HLTF: variants seen among roughly 807,000 people sequenced by gnomAD.
HLTF encodes DNA-dependent ATPase/E3 ubiquitin-protein ligase HLTF.
In HLTF, 127 loss-of-function variants were observed where a neutral mutation model predicts 129.4. The observed-to-expected ratio is 0.98, with a 90% CI of 0.85 to 1.14. HLTF has a LOEUF of 1.14. Among genes scored for constraint, HLTF ranks in the 50% most tolerant of loss-of-function variants. The pLI, the probability that HLTF is intolerant of heterozygous loss-of-function variation, is 0.00. For synonymous variants in HLTF, 332 were observed against 388.8 expected, an observed-to-expected ratio of 0.85 and a Z score of 1.72; for missense variants, 1,139 against 1,187.1, an observed-to-expected ratio of 0.96 and a Z score of 0.60.
chr3:149,041,545 T>C lies in HLTF; in HGVS notation c.2321A>G (p.His774Arg). ...LDSLTVPVIT[H>R]CAHVFCKPCI... ...GGGTTTACAAAATACATGTGCACAA[T>C]GTGTTATCACAGGAACTGTTAAAGA... The change falls in exon 20 of 25, where the codon CAT (histidine) becomes CGT (arginine). Residue 774 changes from histidine to arginine, a missense_variant. Transcript: ENST00000310053. 6.2e-7 allele frequency: 1 copy of C among 1,613,294 alleles called. No individual in the cohort carries two copies. Among genetic ancestry groups the C allele is most frequent in the Non-Finnish European group, 8.5e-7 (1 of 1,179,404 alleles).
intron 12 of HLTF, 136 bp downstream of exon 12, chr3:149,060,507 T>C (rs1350201447): frequency 1.1e-5 from 7 of 664,922 alleles, no homozygotes; most frequent in Non-Finnish European, 1.8e-5. Flanking sequence ...GTTAGCTCCA[T>C]GAAGAGTTCA....
rs1043538376 is a variant in HLTF, at chr3:149,075,861, A to G, written c.395+20T>C. ...ACTATAATTCACAATTATTAAAACT[A>G]AATTCTGAAAGTACATTACCCTTCA... On this transcript the variant is annotated intron_variant, in intron 3 of 24. Transcript: ENST00000310053. 6 of 1,558,210 alleles carry G rather than the reference A, an allele frequency of 3.9e-6. No individual in the cohort carries two copies. The Admixed American group carries it at 1.1e-4, about 30-fold the overall frequency.
chr3:149,032,062 T>C lies in HLTF; in HGVS notation c.*158A>G. ...TGAAGTTTCATTAAAAATAGGTTCA[T>C]ATATAGAAGAAATTGTGTCAGTAAT... is the stretch of plus-strand genomic sequence containing the variant. On this transcript the variant is annotated 3_prime_UTR_variant, in exon 25 of 25. Transcript: ENST00000310053. The C allele has an allele frequency of 2.1e-6, 1 of 478,814 alleles. No individual in the cohort carries two copies. The allele number at this position is 478,814 out of a possible 1,614,324, so 29.7% of individuals were successfully genotyped here. A position where few individuals can be genotyped will look rare whatever the true frequency, so the allele number is the denominator to read the frequency against.
chr3:149,035,337 C>T (rs1715479669), intron 23 of HLTF, among the ~76,000 whole-genome samples: 1 of 151,906 alleles, frequency 6.6e-6, no homozygotes, highest in African/African-American at 2.4e-5. Context: ...GTTATACATC[C>T]TCTTAAATGA....
chr3:149,041,850 A>G (rs1716158860), intron 19 of HLTF, 182 bp from the exon 20 acceptor site: 1 of 597,940 alleles, frequency 1.7e-6, no homozygotes, highest in African/African-American at 1.9e-5. Flanking sequence ...ATAGTAGCCA[A>G]CTCACATAAT....
In HLTF at chr3:149,036,122, G is replaced by A. The variant is rs556401581; in HGVS notation, c.2797-1124C>T. ...TGCACTCCAGCCTGGGCGACAGAGC[G>A]AGACTACATCTCAAAAAAAAACAAA... is the stretch of plus-strand genomic sequence containing the variant. On this transcript the variant is annotated intron_variant, in intron 23 of 24. Transcript: ENST00000310053. 8.6e-5 allele frequency among the ~76,000 whole-genome samples: 13 copies of A among 151,136 alleles called. No individual in the cohort carries two copies. In the South Asian group the frequency reaches 1.5e-3, roughly 17 times the overall value.
At chr3:149,053,052 G>C (rs1224813551) in intron 14 of HLTF, among the ~76,000 whole-genome samples, 1 of 152,080 alleles carries the variant, frequency 6.6e-6, no homozygotes, top group Admixed American at 6.5e-5. Flanking sequence ...TGGTACCCAG[G>C]TTCTATTCCT....
intron 2 of HLTF, 44 bp from the exon 3 acceptor site, chr3:149,076,091 G>A: frequency 4.0e-6 from 3 of 745,208 alleles, no homozygotes; most frequent in Non-Finnish European, 6.3e-6. Flanking sequence ...ATAAATAATA[G>A]ACAATAACTT....
At position 149,074,330 on chromosome 3, in the gene HLTF, T is replaced by C; in HGVS notation, c.414A>G (p.Ala138=). The C allele has an allele frequency of 6.2e-7, 1 of 1,612,664 alleles. No homozygotes were observed. Among genetic ancestry groups the C allele is most frequent in the Non-Finnish European group, 8.5e-7 (1 of 1,179,480 alleles). ...AQIEGVVPFG[A]NNAFTMPLHM... Reference sequence around the variant, plus strand: ...GCAGAGGCATGGTAAAAGCATTGTTTGCACCAAAAGGAACTACCCTATTAT... The same window carrying C: ...GCAGAGGCATGGTAAAAGCATTGTTCGCACCAAAAGGAACTACCCTATTAT... Residue 138 remains alanine, a synonymous_variant, in exon 4 of 25, where the codon GCA becomes GCG. Coordinates refer to ENST00000310053, the MANE Select transcript of HLTF (RefSeq NM_003071.4).
In HLTF at chr3:149,086,418, C is replaced by G. The variant is rs1720431303; in HGVS notation, c.-82G>C. ...CGCCTCGATACGCCTCCTTCCAGGC[C>G]CCGCAGCCCTGAAGCCGGGGACAAA... is the stretch of plus-strand genomic sequence containing the variant. On this transcript the variant is annotated 5_prime_UTR_variant, in exon 1 of 25. Coordinates refer to ENST00000310053, the MANE Select transcript of HLTF (RefSeq NM_003071.4). The G allele has an allele frequency of 6.7e-7, 1 of 1,482,550 alleles. No homozygotes were observed. Among genetic ancestry groups the G allele is most frequent in the East Asian group, 2.5e-5 (1 of 40,674 alleles). The allele number at this position is 1,482,550 out of a possible 1,614,324, so 91.8% of individuals were successfully genotyped here.
intron 13 of HLTF, among the ~76,000 whole-genome samples, chr3:149,058,326 G>C (rs1352439017): frequency 6.6e-6 from 1 of 152,008 alleles, no homozygotes; most frequent in Non-Finnish European, 1.5e-5. Context: ...CCAAAGTGCT[G>C]CAATTTCAGG....
intron 2 of HLTF, among the ~76,000 whole-genome samples, chr3:149,076,770 A>G (rs187688589): frequency 6.6e-6 from 1 of 152,374 alleles, no homozygotes; most frequent in Non-Finnish European, 1.5e-5. Flanking sequence ...TAGAATGAGG[A>G]CTTTCAAAAA....
chr3:149,063,111 G>A (rs1158256595), intron 10 of HLTF: 2 of 461,304 alleles, frequency 4.3e-6, no homozygotes, highest in Admixed American at 4.7e-5. Flanking sequence ...CCAGGCTGCA[G>A]TGCAGTGGTG....
rs201554369 is a variant in HLTF at position 149,077,247 on chromosome 3, AAAATAAATAAAT to A, written c.229-1212_229-1201del. ...TGGTGACAGAGCGAGACTTCATCTC[AAAATAAATAAAT>A]AAATAAATAAATAAATAAATAAATA... On this transcript the variant is annotated intron_variant, in intron 2 of 24. Transcript: ENST00000310053. Among the ~76,000 whole-genome samples the A allele has an allele frequency of 4.6e-3, 668 of 144,142 alleles. 3 individuals carry two copies. The highest frequency in any genetic ancestry group is 0.016 in the South Asian group (73 of 4,482). 94.6% of individuals were successfully genotyped at this position (144,142 alleles called of 152,430 possible).
chr3:149,056,381 T>C (rs994767879), intron 13 of HLTF, among the ~76,000 whole-genome samples: 1 of 152,248 alleles, frequency 6.6e-6, no homozygotes, highest in Non-Finnish European at 1.5e-5. Flanking sequence ...AGAGATGGTA[T>C]CCCTTACCAA....
intron 3 of HLTF, among the ~76,000 whole-genome samples, chr3:149,075,678 T>C (rs962962067): frequency 6.6e-5 from 10 of 152,308 alleles, no homozygotes; most frequent in Admixed American, 3.9e-4. Context: ...AATAATTCCA[T>C]AGGAAAATGA....
chr3:149,034,931 A>T lies in HLTF; in HGVS notation c.2864T>A (p.Val955Asp), dbSNP rs1715443967. 2 of 1,612,398 alleles carry T rather than the reference A, an allele frequency of 1.2e-6. No homozygotes were observed. The highest frequency in any genetic ancestry group is 2.7e-5 in the African/African-American group (2 of 74,906). Residue 955 changes from valine (V) to aspartate (D), a missense_variant, in exon 24 of 25, where the codon GTT becomes GAT. Val to Asp is a radical substitution (Grantham distance 152). Coordinates refer to ENST00000310053, the MANE Select transcript of HLTF (RefSeq NM_003071.4). ...TTAAAAACTCACTTTTGTGATGATA[A>T]CTTCTTGCTTCTGACCAAGTCTATG... ...RCHRLGQKQEVIITKFIVKDS... is the reference protein window; with the variant it reads ...RCHRLGQKQEDIITKFIVKDS...
chr3:149,084,524 G>T (rs1720171528), intron 2 of HLTF, among the ~76,000 whole-genome samples, 158 bp downstream of exon 2: 1 of 152,190 alleles, frequency 6.6e-6, no homozygotes, highest in South Asian at 2.1e-4. Flanking sequence ...GCTGAGGTGG[G>T]AGGGTCACTT....
chr3:149,040,096 G>GAC lies in HLTF; in HGVS notation c.2435_2436dup (p.Pro813ValfsTer6), dbSNP rs770048221. 2 of 1,609,918 alleles carry GAC rather than the reference G, an allele frequency of 1.2e-6. No individual in the cohort carries two copies. Among genetic ancestry groups the GAC allele is most frequent in the Non-Finnish European group, 1.7e-6 (2 of 1,177,854 alleles). On this transcript the variant is annotated frameshift_variant, in exon 21 of 25. Coordinates refer to ENST00000310053, the MANE Select transcript of HLTF (RefSeq NM_003071.4). LOFTEE classifies it high-confidence loss of function. ...CTGTCACGTGCTAATTCTTCTGGAGGACATTCTAATAAATTATCTTCATGT... is the reference window on the plus strand; with the variant it reads ...CTGTCACGTGCTAATTCTTCTGGAGGACACATTCTAATAAATTATCTTCATGT...
Sources: gnomAD v4.1 joint callset for allele counts (sites outside exome capture counted in the v4.1 genomes callset) on GRCh38, gnomAD v4.1.1 for gene constraint, MANE v1.5 for transcripts, NCBI Gene and HGNC (gene_info 2026-07-23, HGNC 2026-07-21) for gene names.